Variants in CACNA1C observed in about 807,000 individuals in gnomAD.
The protein encoded by CACNA1C is calcium voltage-gated channel subunit alpha1 C, also known as voltage-dependent L-type calcium channel subunit alpha-1C.
A neutral mutation model predicts 229.0 loss-of-function variants in CACNA1C; 30 were observed. That is an observed-to-expected ratio of 0.13 (90% CI 0.10 to 0.18). The LOEUF is 0.18. Among genes scored for constraint, CACNA1C ranks in the 10% least tolerant of loss-of-function variants. The pLI is 1.00. For missense variants in CACNA1C, 1,658 were observed against 2,845.0 expected (o/e 0.58, Z 9.49); for synonymous variants, 1,114 against 1,132.5 (o/e 0.98, Z 0.33).
At chr12:2,099,312 C>T (rs1330361741) in intron 1 of CACNA1C, among the ~76,000 whole-genome samples, 1 of 152,256 alleles carries the variant, frequency 6.6e-6, no homozygotes, top group African/African-American at 2.4e-5. Context: ...CAGAGAACCA[C>T]AGTTGGAAAC....
At chr12:2,276,356 C>T (rs1478457247) in intron 3 of CACNA1C, among the ~76,000 whole-genome samples, 1 of 152,188 alleles carries the variant, frequency 6.6e-6, no homozygotes, top group East Asian at 1.9e-4. Flanking sequence ...GAATTTCTAC[C>T]TTTAGCATTA....
At chr12:2,577,123 A>G (rs1431709599) in intron 13 of CACNA1C, among the ~76,000 whole-genome samples, 1 of 152,086 alleles carries the variant, frequency 6.6e-6, no homozygotes, top group African/African-American at 2.4e-5. Flanking sequence ...GCCCAACCCC[A>G]TCTTTCTCTC....
In CACNA1C at chr12:2,693,910, A is replaced by G. The variant is rs1487070426; in HGVS notation, c.*2711A>G. The G allele has an allele frequency of 6.6e-6, 1 of 152,248 alleles. No homozygotes were observed. Among genetic ancestry groups the G allele is most frequent in the Non-Finnish European group, 1.5e-5 (1 of 68,068 alleles). The allele number at this position is 152,248 out of a possible 1,614,324, so 9.4% of individuals were successfully genotyped here. On this transcript the variant is annotated 3_prime_UTR_variant, in exon 47 of 47. Transcript: ENST00000399655. The stretch of plus-strand genomic sequence containing the variant: ...ACAATAAGGGACAGTCCATTCCTCT[A>G]TGACAGCTTGCTGGACTGATTCATG...
At position 1,992,940 on chromosome 12, in the gene CACNA1C, C is replaced by T. The variant is rs918937239; in HGVS notation, c.139+21739C>T. The T allele has an allele frequency of 3.6e-5, 21 of 590,876 alleles. No individual in the cohort carries two copies. In the Admixed American group the frequency reaches 6.3e-4, roughly 18 times the overall value. The allele number at this position is 590,876 out of a possible 1,614,324, so 36.6% of individuals were successfully genotyped here. A position where few individuals can be genotyped will look rare whatever the true frequency, so the allele number is the denominator to read the frequency against. On this transcript the variant is annotated intron_variant, in intron 1 of 46. Coordinates refer to the CACNA1C transcript ENST00000682462. ...CAGGGAGCCACCTATGTGTGTGTCT[C>T]TGCAGTCTCCTCACTAAGAACTTGC...
chr12:2,376,959 C>G (rs1489006369), intron 3 of CACNA1C, among the ~76,000 whole-genome samples: 2 of 152,128 alleles, frequency 1.3e-5, no homozygotes, highest in African/African-American at 4.8e-5. Context: ...ATGATCAGGC[C>G]TTTTCTGCTG....
rs940423617 is a variant in CACNA1C, at chr12:2,689,046, C to T, written c.6117+267C>T. 2.0e-5 allele frequency among the ~76,000 whole-genome samples: 3 copies of T among 152,104 alleles called. No individual in the cohort carries two copies. The highest frequency in any genetic ancestry group is 7.2e-5 in the African/African-American group (3 of 41,410). ...ACTTATCCCTTATACTGCAGCTGCT[C>T]GACATGCAAATGTGAGCCTGGCTGC... is the stretch of plus-strand genomic sequence containing the variant. On this transcript the variant is annotated intron_variant, in intron 46 of 46. Transcript: ENST00000399655. The surrounding 1 kb of genome is among the most constrained non-coding windows in gnomAD (Gnocchi z 4.2).
intron 3 of CACNA1C, among the ~76,000 whole-genome samples, chr12:2,278,222 C>T (rs2089688820): frequency 6.6e-6 from 1 of 152,110 alleles, no homozygotes; most frequent in Non-Finnish European, 1.5e-5. Flanking sequence ...TAAGATTCAC[C>T]CACTCAGTCT....
intron 1 of CACNA1C, among the ~76,000 whole-genome samples, chr12:2,102,186 G>A (rs2076681584): frequency 6.6e-6 from 1 of 152,168 alleles, no homozygotes; most frequent in Non-Finnish European, 1.5e-5. Flanking sequence ...TTAAAATAAC[G>A]GAAGAGCATC....
chr12:2,057,693 C>T (rs1039292431), intron 1 of CACNA1C, among the ~76,000 whole-genome samples: 1 of 152,228 alleles, frequency 6.6e-6, no homozygotes, highest in Non-Finnish European at 1.5e-5. Flanking sequence ...ACGTCTGTTC[C>T]CTTCCAGCAC....
At chr12:2,606,055 G>C (rs1332800624) in intron 24 of CACNA1C, among the ~76,000 whole-genome samples, 2 of 152,134 alleles carry the variant, frequency 1.3e-5, no homozygotes, top group Non-Finnish European at 2.9e-5. Context: ...GAGAGAGAGA[G>C]GGACTTTCAT....
intron 3 of CACNA1C, among the ~76,000 whole-genome samples, chr12:2,381,249 T>TTGTG (rs2098237517): frequency 6.6e-6 from 1 of 152,174 alleles, no homozygotes; most frequent in Admixed American, 6.5e-5. Flanking sequence ...TGTCAGGCAT[T>TTGTG]TGTCAGGAGC....
At chr12:2,001,153 T>C (rs567774647) in intron 1 of CACNA1C, among the ~76,000 whole-genome samples, 1 of 152,316 alleles carries the variant, frequency 6.6e-6, no homozygotes, top group South Asian at 2.1e-4. Flanking sequence ...TACATTTCTG[T>C]TCTATTACAG....
intron 1 of CACNA1C, among the ~76,000 whole-genome samples, chr12:2,073,153 G>A (rs2061972662): frequency 6.6e-6 from 1 of 152,182 alleles, no homozygotes; most frequent in Admixed American, 6.5e-5. Context: ...TGGAGCTCCA[G>A]TGCACAGGCA....
intron 3 of CACNA1C, among the ~76,000 whole-genome samples, chr12:2,347,640 G>A (rs540890125): frequency 1.2e-4 from 18 of 152,214 alleles, no homozygotes; most frequent in Non-Finnish European, 2.2e-4. Flanking sequence ...GACCCGTGGG[G>A]GCCAGTCTCA....
At position 2,343,199 on chromosome 12, in the gene CACNA1C, C is replaced by T. The variant is rs138263183; in HGVS notation, c.478-105777C>T. Among the ~76,000 whole-genome samples the T allele has an allele frequency of 2.0e-3, 305 of 152,292 alleles. 2 individuals are homozygous for T. The highest frequency in any genetic ancestry group is 3.7e-3 in the Non-Finnish European group (249 of 68,024). ...TCCCAACCTTCTTTCTAGTTTGGTA[C>T]TGGTAATCTGCCACAAAGCTTGTTA... On this transcript the variant is annotated intron_variant, in intron 3 of 46. Coordinates refer to ENST00000399655, the MANE Select transcript of CACNA1C (RefSeq NM_000719.7).
At chr12:2,096,627 G>A (rs1490056054) in intron 1 of CACNA1C, among the ~76,000 whole-genome samples, 1 of 152,178 alleles carries the variant, frequency 6.6e-6, no homozygotes, top group Admixed American at 6.5e-5. Context: ...CATTTTAAGT[G>A]TACAATTTAG....
intron 3 of CACNA1C, among the ~76,000 whole-genome samples, chr12:2,311,558 G>T (rs760045894): frequency 1.3e-5 from 2 of 152,136 alleles, no homozygotes; most frequent in Non-Finnish European, 2.9e-5. Context: ...ATCCTCTCTC[G>T]CACAGCAAAC....
At chr12:2,641,139 C>T (rs2093648436) in intron 30 of CACNA1C, among the ~76,000 whole-genome samples, 1 of 152,240 alleles carries the variant, frequency 6.6e-6, no homozygotes, top group Non-Finnish European at 1.5e-5. Flanking sequence ...GGTCAGAAAG[C>T]AGATTTGTCC....
Position 2,053,227 on chromosome 12 carries a change from C to T in CACNA1C, c.-336C>T. ...CGCCCCCCGCCCCTCCTCTCCGCCT[C>T]TTCTCGCCCTGCCTCTCCCGATTTA... On this transcript the variant is annotated 5_prime_UTR_variant, in exon 1 of 47. Transcript: ENST00000399655. The surrounding 1 kb of genome is among the most constrained non-coding windows in gnomAD (Gnocchi z 5.8). 9.8e-7 allele frequency: 1 copy of T among 1,024,952 alleles called. No homozygotes were observed. The highest frequency in any genetic ancestry group is 1.2e-6 in the Non-Finnish European group (1 of 855,892). The allele number at this position is 1,024,952 out of a possible 1,614,324, so 63.5% of individuals were successfully genotyped here. A position where few individuals can be genotyped will look rare whatever the true frequency, so the allele number is the denominator to read the frequency against.
Sources: allele counts gnomAD v4.1 joint callset (sites outside exome capture counted in the v4.1 genomes callset), GRCh38; gene constraint gnomAD v4.1.1; non-coding constraint Gnocchi (gnomAD v3.1); transcripts MANE v1.5; gene names NCBI Gene and HGNC (gene_info 2026-07-23, HGNC 2026-07-21).